ST7: variants seen among roughly 807,000 people sequenced by gnomAD.
The protein encoded by ST7 is suppression of tumorigenicity 7.
In ST7, 28 loss-of-function variants were observed where a neutral mutation model predicts 78.7. The ratio of observed to expected loss-of-function variants is 0.36; its 90% confidence interval spans 0.26 to 0.49. The LOEUF is 0.49. ST7 is among the 20% of genes least tolerant of loss of function. ST7 has a pLI of 0.99. For synonymous variants in ST7, 247 were observed against 249.6 expected, an observed-to-expected ratio of 0.99 and a Z score of 0.10; for missense variants, 418 against 696.0, an observed-to-expected ratio of 0.60 and a Z score of 4.49.
chr7:117,016,470 A>G (rs566015699), intron 1 of ST7, among the ~76,000 whole-genome samples: 2 of 149,910 alleles, frequency 1.3e-5, no homozygotes, highest in East Asian at 3.9e-4. Context: ...CATTTTCTAT[A>G]GTTTGTATAT....
rs1258357037 is a variant in ST7 at position 117,097,902 on chromosome 7, ATATATATT to A, written c.152-1858_152-1851del. Among the ~76,000 whole-genome samples the A allele has an allele frequency of 6.4e-3, 199 of 31,232 alleles. 11 individuals are homozygous for A. The highest frequency in any genetic ancestry group is 0.014 in the African/African-American group (114 of 8,226). 20.5% of individuals were successfully genotyped at this position (31,232 alleles called of 152,430 possible). A position where few individuals can be genotyped will look rare whatever the true frequency, so the allele number is the denominator to read the frequency against. On this transcript the variant is annotated intron_variant, in intron 1 of 15. Transcript: ENST00000323984. ...TCACTATATATATATATATATATAT[ATATATATT>A]TTTTTTTTTTTTTTTTTTGATGGCC...
intron 10 of ST7, among the ~76,000 whole-genome samples, chr7:117,177,084 C>A (rs1386937848): frequency 6.6e-5 from 10 of 152,154 alleles, no homozygotes; most frequent in African/African-American, 9.7e-5. Context: ...TGGCTTCATG[C>A]CTGTAAGCAC....
intron 1 of ST7, among the ~76,000 whole-genome samples, chr7:117,050,924 G>A (rs565289943): frequency 1.6e-3 from 122 of 76,502 alleles, no homozygotes; most frequent in African/African-American, 5.8e-3. Context: ...GCGAGACTAC[G>A]TCTCAAAAAA....
At chr7:117,059,585 T>G (rs564184806) in intron 1 of ST7, among the ~76,000 whole-genome samples, 39 of 152,038 alleles carry the variant, frequency 2.6e-4, no homozygotes, top group Non-Finnish European at 4.4e-4. Context: ...AGATCTAAAC[T>G]TGTTCTGGAG....
In ST7 at chr7:117,167,320, A is replaced by T. The variant is rs1288434786; in HGVS notation, c.964-3542A>T. Among the ~76,000 whole-genome samples the T allele has an allele frequency of 3.5e-5, 5 of 142,206 alleles. No homozygotes were observed. In the South Asian group the frequency reaches 6.7e-4, roughly 19 times the overall value. The allele number at this position is 142,206 out of a possible 152,430, so 93.3% of individuals were successfully genotyped here. ...TGTATGTTTGCATAACACAGCTTTC[A>T]TTGAATGTAATGAAAGCTGTCAGCA... is the stretch of plus-strand genomic sequence containing the variant. On this transcript the variant is annotated intron_variant, in intron 9 of 15. Transcript: ENST00000323984.
intron 2 of ST7, among the ~76,000 whole-genome samples, chr7:117,103,658 T>C (rs1003060973): frequency 1.3e-5 from 2 of 152,094 alleles, no homozygotes; most frequent in Non-Finnish European, 2.9e-5. Flanking sequence ...AAAGAAAACA[T>C]TGGGGAAATG....
In ST7 at chr7:117,138,461, A is replaced by G. The variant is rs1439666478; in HGVS notation, c.892A>G (p.Ile298Val). ...HRRDTNVLVY[I>V]KRRLAMCARR... is the part of the protein sequence containing the mutation. The stretch of plus-strand genomic sequence containing the variant: ...ACGAGACACCAATGTCTTGGTGTAC[A>G]TCAAAAGAAGGCTAGCAATGTGTGC... Residue 298 changes from isoleucine (I) to valine (V), a missense_variant, in exon 9 of 16, where the codon ATC becomes GTC. Around this residue, in one of 4 missense-constraint regions of ST7, gnomAD observed 288 missense variants for 537.1 expected, o/e 0.54. Transcript: ENST00000323984. The G allele has an allele frequency of 1.2e-5, 19 of 1,609,718 alleles. No individual in the cohort carries two copies. Among genetic ancestry groups the G allele is most frequent in the Non-Finnish European group, 1.6e-5 (19 of 1,177,832 alleles).
chr7:117,154,878 A>G (rs1486121807), intron 9 of ST7, among the ~76,000 whole-genome samples: 3 of 152,156 alleles, frequency 2.0e-5, no homozygotes, highest in Non-Finnish European at 2.9e-5. Flanking sequence ...TGGAAAGGTG[A>G]TGGGCCGTGG....
chr7:117,029,452 C>T (rs571578378), intron 1 of ST7, among the ~76,000 whole-genome samples: 26 of 152,034 alleles, frequency 1.7e-4, no homozygotes, highest in African/African-American at 4.1e-4. Context: ...TTCTTATTAC[C>T]GAGTTTTGAA....
At chr7:117,138,367 G>T in intron 8 of ST7, 68 bp from the exon 9 acceptor site, 1 of 1,070,974 alleles carries the variant, frequency 9.3e-7, no homozygotes. Flanking sequence ...TTCCTTTAGG[G>T]GCAAGGCAAA....
intron 1 of ST7, among the ~76,000 whole-genome samples, chr7:116,971,918 A>T (rs1793445487): frequency 6.6e-6 from 1 of 152,244 alleles, no homozygotes. Flanking sequence ...TAAAGACATT[A>T]TGCATTGTGC....
chr7:117,117,969 T>A (rs747055135), intron 2 of ST7: 1 of 152,248 alleles, frequency 6.6e-6, no homozygotes, highest in Non-Finnish European at 1.5e-5. Flanking sequence ...TCTTCTTTTA[T>A]GCAAAATCCC....
At chr7:117,022,498 T>C (rs190543921) in intron 1 of ST7, among the ~76,000 whole-genome samples, 56 of 152,336 alleles carry the variant, frequency 3.7e-4, no homozygotes, top group Admixed American at 3.7e-3. Context: ...GTGTATTTTC[T>C]TTGTGTTCTG....
intron 1 of ST7, among the ~76,000 whole-genome samples, chr7:117,032,044 G>T (rs1021089128): frequency 6.6e-6 from 1 of 151,544 alleles, no homozygotes; most frequent in Non-Finnish European, 1.5e-5. Flanking sequence ...ACCACGTGTG[G>T]CTAATTTTTG....
rs899730971 is a variant in ST7, at chr7:117,050,108, G to A, written c.152-49654G>A. 1.3e-5 allele frequency among the ~76,000 whole-genome samples: 2 copies of A among 151,884 alleles called. 1 individual carries two copies. The highest frequency in any genetic ancestry group is 4.2e-4 in the South Asian group (2 of 4,794). On this transcript the variant is annotated intron_variant, in intron 1 of 15. Coordinates refer to ENST00000323984, the MANE Select transcript of ST7 (RefSeq NM_001369598.1). Reference sequence around the variant, plus strand: ...CAGGCACCTGTAGTCCCAGCTACTCGGGAGGCTGAGCCAGGAGAATCACTT... The same window carrying A: ...CAGGCACCTGTAGTCCCAGCTACTCAGGAGGCTGAGCCAGGAGAATCACTT...
At chr7:117,122,743 C>T (rs990112019) in intron 3 of ST7, among the ~76,000 whole-genome samples, 4 of 152,176 alleles carry the variant, frequency 2.6e-5, no homozygotes, top group Admixed American at 1.3e-4. Context: ...TTGGCTGACT[C>T]AGCTAAACAA....
intron 12 of ST7, among the ~76,000 whole-genome samples, chr7:117,200,273 A>G (rs1165261355): frequency 6.6e-6 from 1 of 152,170 alleles, no homozygotes; most frequent in Non-Finnish European, 1.5e-5. Flanking sequence ...AGCAACCCCA[A>G]GGCCCCCTCT....
At chr7:117,063,360 T>C (rs902454907) in intron 1 of ST7, among the ~76,000 whole-genome samples, 1 of 152,220 alleles carries the variant, frequency 6.6e-6, no homozygotes, top group Admixed American at 6.5e-5. Flanking sequence ...CTGTTCATTT[T>C]TGTTTCTTTC....
At chr7:117,022,303 T>C (rs918820795) in intron 1 of ST7, among the ~76,000 whole-genome samples, 1 of 152,244 alleles carries the variant, frequency 6.6e-6, no homozygotes, top group Non-Finnish European at 1.5e-5. Context: ...AGTGTTAAGC[T>C]CTGTTTCTTG....
Sources: allele counts gnomAD v4.1 joint callset (sites outside exome capture counted in the v4.1 genomes callset), GRCh38; gene constraint gnomAD v4.1.1; regional missense constraint gnomAD v4.1.1; transcripts MANE v1.5; gene names NCBI Gene and HGNC (gene_info 2026-07-23, HGNC 2026-07-21).